CEP112: variants seen among roughly 807,000 people sequenced by gnomAD.
CEP112 encodes the protein centrosomal protein 112, also known as centrosomal protein of 112 kDa.
In CEP112, 127 loss-of-function variants were observed where a neutral mutation model predicts 153.0. The observed-to-expected ratio is 0.83, with a 90% CI of 0.72 to 0.96. The LOEUF (loss-of-function observed/expected upper bound fraction) is 0.96. Ranked by LOEUF, CEP112 falls within the 40% of genes least tolerant of loss-of-function variation. The pLI, the probability that CEP112 is intolerant of heterozygous loss-of-function variation, is 0.00. For synonymous variants in CEP112, 358 were observed against 374.4 expected, an observed-to-expected ratio of 0.96 and a Z score of 0.51; for missense variants, 1,089 against 1,101.2, an observed-to-expected ratio of 0.99 and a Z score of 0.16.
At chr17:65,894,153 A>G (rs1016376394) in intron 20 of CEP112, among the ~76,000 whole-genome samples, 3 of 152,146 alleles carry the variant, frequency 2.0e-5, no homozygotes, top group African/African-American at 7.2e-5. Flanking sequence ...GGCCTAGGTG[A>G]AAAGGAGAAG....
intron 23 of CEP112, among the ~76,000 whole-genome samples, chr17:65,694,717 T>C (rs2048277588): frequency 1.3e-5 from 2 of 152,180 alleles, no homozygotes; most frequent in African/African-American, 4.8e-5. Context: ...TTATTAGAGT[T>C]CCAACCTCAG....
chr17:65,914,824 CTT>C (rs2143903088), intron 19 of CEP112, among the ~76,000 whole-genome samples: 1 of 152,300 alleles, frequency 6.6e-6, no homozygotes, highest in South Asian at 2.1e-4. Flanking sequence ...TCTCTGCTCC[CTT>C]TTCTTTCAAA....
At chr17:65,767,993 G>C (rs1017927700) in intron 21 of CEP112, among the ~76,000 whole-genome samples, 2 of 152,014 alleles carry the variant, frequency 1.3e-5, no homozygotes, top group Admixed American at 6.6e-5. Context: ...AAATAAAAAA[G>C]AGCTGGATAA....
intron 20 of CEP112, among the ~76,000 whole-genome samples, chr17:65,864,144 A>C (rs572339799): frequency 6.6e-6 from 1 of 152,010 alleles, no homozygotes; most frequent in East Asian, 1.9e-4. Flanking sequence ...CCTCAAAAAA[A>C]AAAAAAAAGT....
intron 23 of CEP112, among the ~76,000 whole-genome samples, chr17:65,712,870 C>T (rs1411099414): frequency 1.3e-5 from 2 of 152,026 alleles, no homozygotes; most frequent in Non-Finnish European, 2.9e-5. Flanking sequence ...CTGTGCTTAT[C>T]GGCAGTGCAG....
chr17:65,818,619 G>A (rs2056386478), intron 21 of CEP112, among the ~76,000 whole-genome samples: 1 of 151,736 alleles, frequency 6.6e-6, no homozygotes, highest in Admixed American at 6.6e-5. Context: ...AAACTATCTT[G>A]TAATAAGGTT....
At chr17:65,938,031 A>C (rs1296160633) in intron 18 of CEP112, among the ~76,000 whole-genome samples, 8 of 117,998 alleles carry the variant, frequency 6.8e-5, no homozygotes, top group African/African-American at 2.0e-4. Flanking sequence ...GTCTGTGTAG[A>C]AAGAAGTAGA....
chr17:65,734,416 C>G (rs573694745), intron 23 of CEP112, among the ~76,000 whole-genome samples: 6 of 152,008 alleles, frequency 3.9e-5, no homozygotes, highest in African/African-American at 1.2e-4. Context: ...AACTGACAAC[C>G]CCAAAGAGGT....
At chr17:65,788,834 G>A (rs868636526) in intron 21 of CEP112, among the ~76,000 whole-genome samples, 23 of 151,926 alleles carry the variant, frequency 1.5e-4, no homozygotes, top group African/African-American at 3.6e-4. Context: ...TGCGTTTGCC[G>A]AATTACTGAT....
intron 4 of CEP112, among the ~76,000 whole-genome samples, chr17:66,136,833 A>T (rs2070456012): frequency 6.6e-6 from 1 of 152,222 alleles, no homozygotes; most frequent in Admixed American, 6.5e-5. Flanking sequence ...CAGAGAAGAC[A>T]TATCCACAGA....
intron 24 of CEP112, among the ~76,000 whole-genome samples, chr17:65,674,089 T>C (rs7212867): frequency 0.65 from 99,163 of 152,092 alleles, 34,937 homozygotes; most frequent in African/African-American, 0.91. Context: ...GTTAGTCAGG[T>C]TGGTCTCCTG....
chr17:65,919,361 C>T (rs986621294), intron 19 of CEP112, among the ~76,000 whole-genome samples: 1 of 152,164 alleles, frequency 6.6e-6, no homozygotes, highest in Admixed American at 6.5e-5. Context: ...ATCACCTTAC[C>T]TGAGTTGGAG....
At chr17:65,976,934 T>TCAC (rs2063059197) in intron 17 of CEP112, among the ~76,000 whole-genome samples, 1 of 152,072 alleles carries the variant, frequency 6.6e-6, no homozygotes, top group Non-Finnish European at 1.5e-5. Flanking sequence ...AAACAGGGTT[T>TCAC]CACCATGTTG....
At chr17:65,944,884 C>G (rs2061605398) in intron 18 of CEP112, among the ~76,000 whole-genome samples, 1 of 152,150 alleles carries the variant, frequency 6.6e-6, no homozygotes, top group African/African-American at 2.4e-5. Flanking sequence ...GGCCAAAACA[C>G]TTTCTTACAT....
At chr17:66,170,245 A>G (rs2072187586) in intron 4 of CEP112, among the ~76,000 whole-genome samples, 1 of 152,206 alleles carries the variant, frequency 6.6e-6, no homozygotes, top group Non-Finnish European at 1.5e-5. Flanking sequence ...AAGGAGGATC[A>G]TGAAGACCAC....
intron 25 of CEP112, among the ~76,000 whole-genome samples, chr17:65,640,154 A>ATATATATTTT (rs1300751452): frequency 2.2e-4 from 17 of 78,334 alleles, no homozygotes; most frequent in African/African-American, 1.1e-3. Flanking sequence ...ATATATATAT[A>ATATATATTTT]TTTTTTTTTT....
intron 21 of CEP112, among the ~76,000 whole-genome samples, chr17:65,845,072 C>A (rs1185850109): frequency 6.6e-6 from 1 of 152,156 alleles, no homozygotes; most frequent in Admixed American, 6.5e-5. Flanking sequence ...GTCCTCCCAG[C>A]ACTTTGGGAG....
chr17:65,784,960 C>T (rs1009628292), intron 21 of CEP112, among the ~76,000 whole-genome samples: 4 of 152,028 alleles, frequency 2.6e-5, no homozygotes, highest in Non-Finnish European at 5.9e-5. Context: ...AAAAAAGAAC[C>T]CATCCCTATT....
At chr17:65,964,221 G>A (rs1299846284) in intron 17 of CEP112, among the ~76,000 whole-genome samples, 1 of 152,150 alleles carries the variant, frequency 6.6e-6, no homozygotes, top group Non-Finnish European at 1.5e-5. Flanking sequence ...AATGTTAACT[G>A]GCTGTTAAGT....
Sources: allele counts gnomAD v4.1 joint callset (sites outside exome capture counted in the v4.1 genomes callset), GRCh38; gene constraint gnomAD v4.1.1; transcripts MANE v1.5; gene names NCBI Gene and HGNC (gene_info 2026-07-23, HGNC 2026-07-21).